The following MAGI2 variants were observed in gnomAD, a reference collection of about 807,000 sequenced individuals.
The protein encoded by MAGI2 is membrane-associated guanylate kinase, WW and PDZ domain-containing protein 2.
A neutral mutation model predicts 133.3 loss-of-function variants in MAGI2; 35 were observed. The observed-to-expected ratio is 0.26, with a 90% confidence interval of 0.20 to 0.35. The LOEUF is 0.35. Among genes scored for constraint, MAGI2 ranks in the 10% least tolerant of loss-of-function variants. MAGI2 has a pLI of 1.00. For synonymous variants in MAGI2, 729 were observed against 710.6 expected, an observed-to-expected ratio of 1.03 and a Z score of -0.41; for missense variants, 1,636 against 1,863.4, an observed-to-expected ratio of 0.88 and a Z score of 2.25.
chr7:79,194,427 A>G (rs1827917280), intron 1 of MAGI2, among the ~76,000 whole-genome samples: 1 of 151,942 alleles, frequency 6.6e-6, no homozygotes, highest in Non-Finnish European at 1.5e-5. Context: ...ACTGTTTTAG[A>G]ACAGAGATGG....
chr7:78,060,735 C>T (rs1317646878), intron 21 of MAGI2, among the ~76,000 whole-genome samples: 1 of 152,154 alleles, frequency 6.6e-6, no homozygotes, highest in Non-Finnish European at 1.5e-5. Context: ...TGTGCCCAAC[C>T]CTGAAGGTGG....
intron 3 of MAGI2, among the ~76,000 whole-genome samples, chr7:78,552,915 G>T (rs1799474461): frequency 6.6e-6 from 1 of 151,438 alleles, no homozygotes; most frequent in Non-Finnish European, 1.5e-5. Flanking sequence ...GTGGTAGAAC[G>T]AGAACAAATT....
rs760653418 is a variant in MAGI2 at position 78,135,013 on chromosome 7, G to A, written c.3031+8C>T. The A allele has an allele frequency of 1.2e-6, 2 of 1,612,676 alleles. No homozygotes were observed. The highest frequency in any genetic ancestry group is 1.3e-5 in the African/African-American group (1 of 75,006). The stretch of plus-strand genomic sequence containing the variant: ...CCGCCTCTCTGCAAGGCTGCCTCAG[G>A]CACTCACCCTCCTGAGGAATGATGC... On this transcript the variant is annotated splice_region_variant and intron_variant, in intron 17 of 21. Transcript: ENST00000354212.
chr7:78,375,708 T>C (rs2151279087), intron 6 of MAGI2, among the ~76,000 whole-genome samples: 1 of 152,256 alleles, frequency 6.6e-6, no homozygotes, highest in South Asian at 2.1e-4. Flanking sequence ...TATATGGTAA[T>C]AGCTACTTAT....
At chr7:78,837,141 G>T (rs1041528758) in intron 2 of MAGI2, among the ~76,000 whole-genome samples, 4 of 152,072 alleles carry the variant, frequency 2.6e-5, no homozygotes, top group Admixed American at 6.6e-5. Flanking sequence ...GTCAAGATGT[G>T]GGCCTCAGCC....
chr7:78,852,772 G>T (rs1563580438), intron 2 of MAGI2, among the ~76,000 whole-genome samples: 1 of 152,074 alleles, frequency 6.6e-6, no homozygotes. Context: ...AAAGAGTAGA[G>T]AGCTCAATGG....
intron 2 of MAGI2, among the ~76,000 whole-genome samples, chr7:78,673,368 T>C (rs1227772874): frequency 6.6e-6 from 1 of 151,868 alleles, no homozygotes; most frequent in East Asian, 1.9e-4. Flanking sequence ...CACACAATTA[T>C]GAAGGTTGAG....
At chr7:78,151,933 C>A (rs1419033890) in intron 16 of MAGI2, among the ~76,000 whole-genome samples, 1 of 152,000 alleles carries the variant, frequency 6.6e-6, no homozygotes, top group African/African-American at 2.4e-5. Context: ...GCCCCATCGA[C>A]ATAAATGGCA....
chr7:78,109,876 A>G (rs1819184377), intron 20 of MAGI2, among the ~76,000 whole-genome samples: 1 of 152,196 alleles, frequency 6.6e-6, no homozygotes, highest in African/African-American at 2.4e-5. Context: ...CAATGGAATG[A>G]AATGAAAGAA....
Position 78,430,240 on chromosome 7 carries a change from C to CTTTTTTTTT in MAGI2, c.1045+59512_1045+59520dup, listed in dbSNP as rs545809101. On this transcript the variant is annotated intron_variant, in intron 6 of 21. Coordinates refer to ENST00000354212, the MANE Select transcript of MAGI2 (RefSeq NM_012301.4). ...GTATTACTGTCTGTTCTGGAAAAGC[C>CTTTTTTTTT]TTTTTTTTTTTTTTTTTTTTTTTTT... Among the ~76,000 whole-genome samples, 343 of 76,630 alleles carry CTTTTTTTTT rather than the reference C, an allele frequency of 4.5e-3. 20 individuals carry two copies. Among genetic ancestry groups the CTTTTTTTTT allele is most frequent in the African/African-American group, 0.018 (322 of 18,000 alleles). The allele number at this position is 76,630 out of a possible 152,430, so 50.3% of individuals were successfully genotyped here.
chr7:78,822,717 A>G (rs1790233952), intron 2 of MAGI2, among the ~76,000 whole-genome samples: 1 of 152,160 alleles, frequency 6.6e-6, no homozygotes, highest in South Asian at 2.1e-4. Context: ...TTTTTTTTTA[A>G]CAAGACAGCA....
chr7:79,056,463 G>A (rs1194109074), intron 1 of MAGI2, among the ~76,000 whole-genome samples: 1 of 152,088 alleles, frequency 6.6e-6, no homozygotes, highest in African/African-American at 2.4e-5. Context: ...AACCCAAAAT[G>A]GTCATAATGA....
chr7:78,685,650 A>ATATGTG (rs1554526871), intron 2 of MAGI2, among the ~76,000 whole-genome samples: 5 of 150,938 alleles, frequency 3.3e-5, no homozygotes, highest in African/African-American at 1.2e-4. Context: ...CTATATATAT[A>ATATGTG]TGTGTGTGTG....
intron 9 of MAGI2, among the ~76,000 whole-genome samples, chr7:78,303,378 C>CAAAAA (rs11377993): frequency 2.7e-4 from 9 of 33,328 alleles, no homozygotes; most frequent in Non-Finnish European, 3.6e-4. Flanking sequence ...AAACTGTCTC[C>CAAAAA]AAAAAAAAAA....
chr7:78,780,595 G>A (rs530320416), intron 2 of MAGI2, among the ~76,000 whole-genome samples: 1 of 152,218 alleles, frequency 6.6e-6, no homozygotes, highest in Admixed American at 6.5e-5. Flanking sequence ...CCATGCTCCC[G>A]ATCTTCACCT....
At chr7:78,176,908 G>GACACACACACAC (rs200781303) in intron 14 of MAGI2, among the ~76,000 whole-genome samples, 10,284 of 130,228 alleles carry the variant, frequency 0.079, 547 homozygotes, top group Non-Finnish European at 0.11. Context: ...ACCATATATA[G>GACACACACACAC]ACACACACAC....
At chr7:78,707,146 A>G (rs1818735607) in intron 2 of MAGI2, among the ~76,000 whole-genome samples, 1 of 152,154 alleles carries the variant, frequency 6.6e-6, no homozygotes, top group Non-Finnish European at 1.5e-5. Flanking sequence ...TAGGAACCTA[A>G]ATGTTTTGAG....
intron 2 of MAGI2, among the ~76,000 whole-genome samples, chr7:78,964,274 T>C (rs1487419390): frequency 6.6e-6 from 1 of 152,068 alleles, no homozygotes; most frequent in East Asian, 1.9e-4. Context: ...TATTTTTCCA[T>C]AAACATTTTA....
intron 21 of MAGI2, among the ~76,000 whole-genome samples, chr7:78,040,062 G>C (rs1810638348): frequency 6.6e-6 from 1 of 152,200 alleles, no homozygotes; most frequent in South Asian, 2.1e-4. Flanking sequence ...ACGTGCAACT[G>C]TGCTCATACA....
Sources: allele counts gnomAD v4.1 joint callset (sites outside exome capture counted in the v4.1 genomes callset), GRCh38; gene constraint gnomAD v4.1.1; transcripts MANE v1.5; gene names NCBI Gene and HGNC (gene_info 2026-07-23, HGNC 2026-07-21).